Variants in REC114 observed in about 807,000 individuals in gnomAD.
The protein encoded by REC114 is REC114 meiotic recombination protein, also known as meiotic recombination protein REC114.
REC114 carries 27 observed loss-of-function variants against 31.3 expected under a neutral mutation model. The ratio of observed to expected loss-of-function variants is 0.86; its 90% CI spans 0.64 to 1.19. The LOEUF is 1.19. Among genes scored for constraint, REC114 ranks in the 50% most tolerant of loss-of-function variants. The probability of loss-of-function intolerance (pLI) is 0.00; values close to 1 mark genes in which losing one functional copy is unlikely to be tolerated. For synonymous variants in REC114, 134 were observed against 127.7 expected (o/e 1.05, Z -0.33); for missense variants, 344 against 326.9 (o/e 1.05, Z -0.40).
chr15:73,529,253 T>C (rs1894044642), intron 2 of REC114, among the ~76,000 whole-genome samples: 1 of 152,004 alleles, frequency 6.6e-6, no homozygotes, highest in South Asian at 2.1e-4. Context: ...TCCTCCTGCC[T>C]CAGCCTCCTG....
intron 1 of REC114, among the ~76,000 whole-genome samples, chr15:73,468,219 A>G (rs1162387819): frequency 6.6e-6 from 1 of 152,176 alleles, no homozygotes; most frequent in African/African-American, 2.4e-5. Flanking sequence ...ATAATATTAA[A>G]TCTTCCTATC....
intron 1 of REC114, among the ~76,000 whole-genome samples, chr15:73,450,987 T>C (rs1017843627): frequency 1.3e-5 from 2 of 152,072 alleles, no homozygotes; most frequent in African/African-American, 4.8e-5. Context: ...TTTAAAGCAG[T>C]GTGTAGAGGG....
chr15:73,515,162 A>C (rs1293953231), intron 2 of REC114, among the ~76,000 whole-genome samples: 1 of 152,032 alleles, frequency 6.6e-6, no homozygotes, highest in Non-Finnish European at 1.5e-5. Flanking sequence ...AAACTCCTGC[A>C]TCAAGCAACC....
intron 4 of REC114, among the ~76,000 whole-genome samples, chr15:73,553,604 A>G (rs894106161): frequency 3.9e-5 from 6 of 152,232 alleles, no homozygotes; most frequent in Non-Finnish European, 8.8e-5. Context: ...GAACCTCATC[A>G]GGCTACACAA....
intron 2 of REC114, among the ~76,000 whole-genome samples, chr15:73,513,433 C>T (rs1189861862): frequency 6.7e-6 from 1 of 148,486 alleles, no homozygotes; most frequent in Non-Finnish European, 1.5e-5. Context: ...CTGAAGCCTT[C>T]TTCTCTCAGC....
chr15:73,492,328 G>T (rs1027766237), intron 2 of REC114, among the ~76,000 whole-genome samples: 39 of 152,158 alleles, frequency 2.6e-4, no homozygotes, highest in Admixed American at 1.4e-3. Context: ...TTATATTTAT[G>T]GGACTTGTGC....
chr15:73,557,227 G>A (rs1331910339), intron 5 of REC114, among the ~76,000 whole-genome samples: 3 of 151,270 alleles, frequency 2.0e-5, no homozygotes, highest in East Asian at 1.9e-4. Flanking sequence ...GTGCCACCAC[G>A]CCCAGCTAAT....
intron 2 of REC114, among the ~76,000 whole-genome samples, chr15:73,513,722 C>T (rs1163402400): frequency 6.6e-6 from 1 of 151,986 alleles, no homozygotes; most frequent in Non-Finnish European, 1.5e-5. Flanking sequence ...TGTCAGTGTG[C>T]CCCTGCTGGG....
intron 1 of REC114, among the ~76,000 whole-genome samples, chr15:73,456,215 A>T (rs1204661944): frequency 1.3e-5 from 2 of 152,160 alleles, no homozygotes; most frequent in Non-Finnish European, 2.9e-5. Flanking sequence ...TAGTCTACTA[A>T]TAAGTAGACT....
At chr15:73,469,745 C>G (rs1212636534) in intron 1 of REC114, among the ~76,000 whole-genome samples, 1 of 144,852 alleles carries the variant, frequency 6.9e-6, no homozygotes, top group African/African-American at 2.6e-5. Context: ...AGTGCAGTGG[C>G]GCGATCTTGG....
At chr15:73,486,078 G>A (rs760600157) in intron 2 of REC114, among the ~76,000 whole-genome samples, 3 of 152,114 alleles carry the variant, frequency 2.0e-5, no homozygotes, top group African/African-American at 7.2e-5. Flanking sequence ...AATATGAGGC[G>A]AGGCAATCTT....
At chr15:73,456,881 A>C (rs1404334802) in intron 1 of REC114, among the ~76,000 whole-genome samples, 1 of 152,164 alleles carries the variant, frequency 6.6e-6, no homozygotes, top group Non-Finnish European at 1.5e-5. Flanking sequence ...ATGTGGATGA[A>C]GAATTTTGAG....
intron 3 of REC114, among the ~76,000 whole-genome samples, chr15:73,542,617 T>C (rs1894255536): frequency 6.6e-6 from 1 of 152,218 alleles, no homozygotes; most frequent in Admixed American, 6.5e-5. Context: ...GTAATATGGC[T>C]GTCCCAAACT....
At chr15:73,504,109 C>A (rs756027719) in intron 2 of REC114, among the ~76,000 whole-genome samples, 1 of 146,664 alleles carries the variant, frequency 6.8e-6, no homozygotes, top group Non-Finnish European at 1.5e-5. Flanking sequence ...CAGGTTCAAG[C>A]GATTCTCCTG....
chr15:73,443,180 C>T lies in REC114; in HGVS notation c.-6C>T, dbSNP rs1175607892. On this transcript the variant is annotated 5_prime_UTR_variant, in exon 1 of 6. Transcript: ENST00000331090. Reference sequence around the variant, plus strand: ...CCCGCCGGCAGTGCGTGTGGTGAGGCAGGACATGGCGGAGGCAGGAAAAGT... The same window carrying T: ...CCCGCCGGCAGTGCGTGTGGTGAGGTAGGACATGGCGGAGGCAGGAAAAGT... The T allele has an allele frequency of 1.9e-6, 3 of 1,557,158 alleles. No homozygotes were observed. The highest frequency in any genetic ancestry group is 2.7e-5 in the African/African-American group (2 of 73,522).
At chr15:73,480,280 TA>T (rs1236653692) in intron 2 of REC114, among the ~76,000 whole-genome samples, 1 of 151,892 alleles carries the variant, frequency 6.6e-6, no homozygotes, top group Non-Finnish European at 1.5e-5. Flanking sequence ...TTTTTATTTT[TA>T]TTTTTTTGAA....
At chr15:73,480,283 T>C (rs1253549715) in intron 2 of REC114, among the ~76,000 whole-genome samples, 1 of 151,798 alleles carries the variant, frequency 6.6e-6, no homozygotes, top group South Asian at 2.1e-4. Flanking sequence ...TTATTTTTAT[T>C]TTTTTGAAAT....
chr15:73,458,782 C>G (rs1892951376), intron 1 of REC114, among the ~76,000 whole-genome samples: 1 of 152,176 alleles, frequency 6.6e-6, no homozygotes, highest in Non-Finnish European at 1.5e-5. Flanking sequence ...TTTCCTAGAG[C>G]ACAGTGGCCA....
At chr15:73,501,179 C>T (rs1414411892) in intron 2 of REC114, among the ~76,000 whole-genome samples, 6 of 152,162 alleles carry the variant, frequency 3.9e-5, no homozygotes, top group Non-Finnish European at 5.9e-5. Context: ...TTTTTGCTAA[C>T]TGTATATTTT....
Sources: allele counts gnomAD v4.1 joint callset (sites outside exome capture counted in the v4.1 genomes callset), GRCh38; gene constraint gnomAD v4.1.1; transcripts MANE v1.5; gene names NCBI Gene and HGNC (gene_info 2026-07-23, HGNC 2026-07-21).